NOL6: variants seen among roughly 807,000 people sequenced by gnomAD.
The protein encoded by NOL6 is nucleolar protein 6.
A neutral mutation model predicts 131.7 loss-of-function variants in NOL6; 33 were observed. The ratio of observed to expected loss-of-function variants is 0.25; its 90% CI spans 0.19 to 0.33. The LOEUF (loss-of-function observed/expected upper bound fraction) is 0.33. NOL6 is among the 10% of genes least tolerant of loss of function. The pLI, the probability that NOL6 is intolerant of heterozygous loss-of-function variation, is 1.00. For missense variants in NOL6, 1,297 were observed against 1,494.5 expected, an observed-to-expected ratio of 0.87 and a Z score of 2.18; for synonymous variants, 580 against 605.7, an observed-to-expected ratio of 0.96 and a Z score of 0.62.
At position 33,463,369 on chromosome 9, in the gene NOL6, G is replaced by A. The variant is rs148170342; in HGVS notation, c.3067C>T (p.Arg1023Cys). The change falls in exon 24 of 26, where the codon CGC (arginine) becomes TGC (cysteine). Residue 1023 changes from arginine to cysteine, a missense_variant. By Grantham distance (180) the Arg-to-Cys change is radical. Transcript: ENST00000297990. ...RLSPRHIPRH[R>C]QAVDSPAASF... Reference sequence around the variant, plus strand: ...GCAGCTGGCGAGTCCACAGCCTGGCGGTGCCGCGGGATATGGCGAGGAGAC... The same window carrying A: ...GCAGCTGGCGAGTCCACAGCCTGGCAGTGCCGCGGGATATGGCGAGGAGAC... 4.2e-5 allele frequency: 68 copies of A among 1,614,044 alleles called. No homozygotes were observed. In the South Asian group the frequency reaches 6.0e-4, roughly 14 times the overall value.
intron 8 of NOL6, 75 bp from the exon 9 acceptor site, chr9:33,468,641 G>A (rs189719045): frequency 1.6e-5 from 26 of 1,605,582 alleles, no homozygotes; most frequent in East Asian, 2.2e-5. Flanking sequence ...TCCCTCAGCC[G>A]ATTCAGTTTG....
Position 33,463,769 on chromosome 9 carries a change from C to T in NOL6, c.2994+62G>A, listed in dbSNP as rs113949721. 1.7e-3 allele frequency: 2,602 copies of T among 1,551,316 alleles called. 6 individuals are homozygous for T. The highest frequency in any genetic ancestry group is 2.3e-3 in the South Asian group (209 of 89,308). On this transcript the variant is annotated intron_variant, in intron 23 of 25. Coordinates refer to ENST00000297990, the MANE Select transcript of NOL6 (RefSeq NM_022917.5). Reference sequence around the variant, plus strand: ...CCGGGTCTCCTGTGAGATCCCTGAACGCTGAACTTCCAAAGACAGAATCCC... The same window carrying T: ...CCGGGTCTCCTGTGAGATCCCTGAATGCTGAACTTCCAAAGACAGAATCCC...
chr9:33,464,071 T>A lies in NOL6; in HGVS notation c.2870A>T (p.Asn957Ile). ...GGGTCCATCCTGTGTCCACACAGAG[T>A]TTTTGCGGTCTTGGGGGGTAACAAT... is the stretch of plus-strand genomic sequence containing the variant. Reference protein sequence around the residue: ...MVIVTPQDRKNSVWTQDGPSA... With the variant: ...MVIVTPQDRKISVWTQDGPSA... Residue 957 changes from asparagine (N) to isoleucine (I), a missense_variant, in exon 22 of 26, where the codon AAC becomes ATC. Transcript: ENST00000297990. The A allele has an allele frequency of 1.2e-6, 2 of 1,612,906 alleles. No individual in the cohort carries two copies. Among genetic ancestry groups the A allele is most frequent in the Non-Finnish European group, 1.7e-6 (2 of 1,179,546 alleles).
rs746596756 is a variant in NOL6, at chr9:33,470,211, G to A, written c.379-20C>T. On this transcript the variant is annotated intron_variant, in intron 3 of 25. Transcript: ENST00000297990. ...AGTGAGCTGTGGGGGCAGAGACAGG[G>A]ACACATACTGATTCAACTGCCTTCC... The A allele has an allele frequency of 2.0e-6, 3 of 1,521,810 alleles. No homozygotes were observed. The highest frequency in any genetic ancestry group is 2.7e-6 in the Non-Finnish European group (3 of 1,129,444). 94.3% of individuals were successfully genotyped at this position (1,521,810 alleles called of 1,614,324 possible).
rs1275037537 is a variant in NOL6, at chr9:33,472,084, T to G, written c.298A>C (p.Lys100Gln). Residue 100 changes from lysine to glutamine, a missense_variant, in exon 3 of 26, where the codon AAG becomes CAG. By Grantham distance (53) the Lys-to-Gln change is moderately conservative (BLOSUM62 1). Coordinates refer to ENST00000297990, the MANE Select transcript of NOL6 (RefSeq NM_022917.5). Reference sequence around the variant, plus strand: ...AAGGCATCAATCCGATCCTTCTTCTTCTCTGACAGCCTTACTTCCTTTAGT... The same window carrying G: ...AAGGCATCAATCCGATCCTTCTTCTGCTCTGACAGCCTTACTTCCTTTAGT... Reference protein sequence around the residue: ...ELLKEVRLSEKKKDRIDAFLR... With the variant: ...ELLKEVRLSEQKKDRIDAFLR... The G allele has an allele frequency of 1.2e-6, 2 of 1,614,110 alleles. No homozygotes were observed. Among genetic ancestry groups the G allele is most frequent in the Non-Finnish European group, 1.7e-6 (2 of 1,180,012 alleles).
At position 33,465,230 on chromosome 9, in the gene NOL6, G is replaced by T. The variant is rs761363037; in HGVS notation, c.2658C>A (p.His886Gln). The change falls in exon 20 of 26, where the codon CAC (histidine) becomes CAA (glutamine). Residue 886 changes from histidine to glutamine, a missense_variant. His to Gln is a conservative substitution (Grantham distance 24, BLOSUM62 0). Coordinates refer to ENST00000297990, the MANE Select transcript of NOL6 (RefSeq NM_022917.5). ...LDLVAAALFL[H>Q]PEPFTPPSSP... is the part of the protein sequence containing the mutation. ...ACCTCGGAGGGGTGAAGGGCTCAGG[G>T]TGCAGGAAAAGGGCAGCGGCCACCA... 1.3e-6 allele frequency: 2 copies of T among 1,598,174 alleles called. No individual in the cohort carries two copies. The highest frequency in any genetic ancestry group is 1.7e-6 in the Non-Finnish European group (2 of 1,172,136).
In NOL6 at chr9:33,462,550, G is replaced by T; in HGVS notation, c.*114C>A. On this transcript the variant is annotated 3_prime_UTR_variant, in exon 26 of 26. Transcript: ENST00000297990. ...GGAGATGATTCAGCATGTTCAGCCA[G>T]CAGGCCCTCCATGGAGGATTCATGT... is the stretch of plus-strand genomic sequence containing the variant. 1 of 1,212,128 alleles carries T rather than the reference G, an allele frequency of 8.2e-7. No homozygotes were observed. Among genetic ancestry groups the T allele is most frequent in the Non-Finnish European group, 1.2e-6 (1 of 855,592 alleles). 75.1% of individuals were successfully genotyped at this position (1,212,128 alleles called of 1,614,324 possible). A position where few individuals can be genotyped will look rare whatever the true frequency, so the allele number is the denominator to read the frequency against.
chr9:33,469,522 G>C lies in NOL6; in HGVS notation c.704C>G (p.Pro235Arg). 1 of 1,609,946 alleles carries C rather than the reference G, an allele frequency of 6.2e-7. No individual in the cohort carries two copies. Among genetic ancestry groups the C allele is most frequent in the Non-Finnish European group, 8.5e-7 (1 of 1,178,446 alleles). ...FSYTNGCHLK[P>R]SLLLRPRGKD... ...ACCACGCGGCCGCAGCAACAGTGAG[G>C]GTTTCAGGTGGCAGCCATTTGTGTA... is the stretch of plus-strand genomic sequence containing the variant. The change falls in exon 5 of 26, where the codon CCC becomes CGC. Residue 235 changes from proline (P) to arginine (R), a missense_variant. Coordinates refer to ENST00000297990, the MANE Select transcript of NOL6 (RefSeq NM_022917.5).
Position 33,461,853 on chromosome 9 carries a change from G to A in NOL6, c.*811C>T, listed in dbSNP as rs1181571325. On this transcript the variant is annotated 3_prime_UTR_variant, in exon 26 of 26. Transcript: ENST00000297990. ...GCAGCATTCTCCTCCTTGGGCCCTG[G>A]GAGCTCCTGGGGAGTAAGACTTGAG... The A allele has an allele frequency of 6.3e-6, 2 of 315,088 alleles. No homozygotes were observed. Among genetic ancestry groups the A allele is most frequent in the Middle Eastern group, 9.1e-4 (1 of 1,104 alleles). The allele number at this position is 315,088 out of a possible 1,614,324, so 19.5% of individuals were successfully genotyped here. A position where few individuals can be genotyped will look rare whatever the true frequency, so the allele number is the denominator to read the frequency against.
chr9:33,468,674 A>G (rs1056854138), intron 8 of NOL6, 78 bp downstream of exon 8: 4 of 1,609,966 alleles, frequency 2.5e-6, no homozygotes, highest in African/African-American at 2.7e-5. Flanking sequence ...ATGGCAAAAC[A>G]CCAAAAGACT....
chr9:33,467,814 TG>T lies in NOL6; in HGVS notation c.1478del (p.Pro493GlnfsTer18). On this transcript the variant is annotated frameshift_variant, in exon 12 of 26. Coordinates refer to ENST00000297990, the MANE Select transcript of NOL6 (RefSeq NM_022917.5). LOFTEE classifies it high-confidence loss of function. The surrounding 1 kb of genome is among the most constrained non-coding windows in gnomAD (Gnocchi z 4.4). ...QAACHRLKLWPELQDNGGDYV... is the reference protein window; with the variant it reads ...QAACHRLKLWXELQDNGGDYV... ...AGTCCCCACCATTGTCCTGCAGCTC[TG>T]GCCAGAGCTTCAGCCGGTGGCACGC... 6.2e-7 allele frequency: 1 copy of T among 1,607,454 alleles called. No homozygotes were observed. Among genetic ancestry groups the T allele is most frequent in the Non-Finnish European group, 8.5e-7 (1 of 1,177,012 alleles).
chr9:33,465,418 G>T, intron 19 of NOL6, 59 bp from the exon 20 acceptor site: 1 of 1,520,990 alleles, frequency 6.6e-7, no homozygotes, highest in Non-Finnish European at 8.9e-7. Context: ...TGTTCATCCA[G>T]CCCCTACCCA....
intron 21 of NOL6, 65 bp from the exon 22 acceptor site, chr9:33,464,226 G>A: frequency 6.5e-7 from 1 of 1,533,098 alleles, no homozygotes; most frequent in Non-Finnish European, 8.8e-7. Flanking sequence ...TACTCCCCCA[G>A]GTCCTCCTAC....
intron 10 of NOL6, 44 bp downstream of exon 10, chr9:33,468,277 G>C: frequency 1.2e-6 from 2 of 1,610,480 alleles, no homozygotes; most frequent in Non-Finnish European, 1.7e-6. Flanking sequence ...GACAGAGTCT[G>C]GGCTGAGACA....
rs115753355 is a variant in NOL6, at chr9:33,467,450, G to A, written c.1669C>T (p.Arg557Trp). Reference sequence around the variant, plus strand: ...AGGACGCTGGTCAGTCCCTCAGGCCGGAGAAGGAGTCCCAGGGTCAGGGTC... The same window carrying A: ...AGGACGCTGGTCAGTCCCTCAGGCCAGAGAAGGAGTCCCAGGGTCAGGGTC... ...SGTLTLGLLL[R>W]PEGLTSVLEL... is the part of the protein sequence containing the mutation. The change falls in exon 13 of 26, where the codon CGG becomes TGG. Residue 557 changes from arginine (R) to tryptophan (W), a missense_variant. By Grantham distance (101) the Arg-to-Trp change is moderately radical. Transcript: ENST00000297990. The surrounding 1 kb of genome is among the most constrained non-coding windows in gnomAD (Gnocchi z 4.4). The A allele has an allele frequency of 6.6e-5, 107 of 1,614,190 alleles. No individual in the cohort carries two copies. Among genetic ancestry groups the A allele is most frequent in the African/African-American group, 5.9e-4 (44 of 75,060 alleles).
chr9:33,464,976 A>T lies in NOL6; in HGVS notation c.2682T>A (p.Ser894Arg), dbSNP rs763672425. 3.7e-6 allele frequency: 6 copies of T among 1,612,248 alleles called. No homozygotes were observed. The South Asian group carries it at 6.6e-5, about 18-fold the overall frequency. Residue 894 changes from serine (S) to arginine (R), a missense_variant and splice_region_variant, in exon 21 of 26, where the codon AGT becomes AGA. Coordinates refer to ENST00000297990, the MANE Select transcript of NOL6 (RefSeq NM_022917.5). ...FLHPEPFTPPSSPQVGFLRFL... is the reference protein window; with the variant it reads ...FLHPEPFTPPRSPQVGFLRFL... ...ATCGAAGGAAGCCAACCTGGGGGGA[A>T]CTAAAGGGCTGGAGTAAGCAAAGAA...
intron 16 of NOL6, 22 bp from the exon 17 acceptor site, chr9:33,466,447 G>T: frequency 6.2e-7 from 1 of 1,613,660 alleles, no homozygotes; most frequent in Non-Finnish European, 8.5e-7. Context: ...GAGGGGCTGA[G>T]GAATGGGCCT....
rs780036062 is a variant in NOL6 at position 33,465,373 on chromosome 9, G to A, written c.2529-14C>T. The A allele has an allele frequency of 4.4e-6, 7 of 1,576,890 alleles. No homozygotes were observed. Among genetic ancestry groups the A allele is most frequent in the East Asian group, 2.3e-5 (1 of 43,016 alleles). On this transcript the variant is annotated splice_polypyrimidine_tract_variant and intron_variant, in intron 19 of 25. Transcript: ENST00000297990. Reference sequence around the variant, plus strand: ...TGCTGCTGCAGTCTGCAGAGAGAAGGGGAGTGTCAGCGAGACTCAGGGCCC... The same window carrying A: ...TGCTGCTGCAGTCTGCAGAGAGAAGAGGAGTGTCAGCGAGACTCAGGGCCC...
At chr9:33,471,980 C>T in intron 3 of NOL6, 24 bp downstream of exon 3, 2 of 1,557,040 alleles carry the variant, frequency 1.3e-6, no homozygotes, top group Non-Finnish European at 1.8e-6. Flanking sequence ...TTGGGCTTCC[C>T]AGTTCCCCAG....
Sources: gnomAD v4.1 joint callset for allele counts on GRCh38, gnomAD v4.1.1 for gene constraint, Gnocchi (gnomAD v3.1) non-coding constraint, MANE v1.5 for transcripts, NCBI Gene and HGNC (gene_info 2026-07-23, HGNC 2026-07-21) for gene names.